Variants in ARHGAP39 observed in about 807,000 individuals in gnomAD.
ARHGAP39 encodes the protein rho GTPase-activating protein 39.
ARHGAP39 carries 44 observed loss-of-function variants against 106.9 expected under a neutral mutation model. The ratio of observed to expected loss-of-function variants is 0.41; its 90% CI spans 0.32 to 0.53. The LOEUF is 0.53. Ranked by LOEUF, ARHGAP39 falls within the 20% of genes least tolerant of loss-of-function variation. The pLI is 0.21. For synonymous variants in ARHGAP39, 768 were observed against 693.2 expected, an observed-to-expected ratio of 1.11 and a Z score of -1.69; for missense variants, 1,496 against 1,577.3, an observed-to-expected ratio of 0.95 and a Z score of 0.87.
At chr8:144,621,322 C>T (rs1430272685) in intron 1 of ARHGAP39, among the ~76,000 whole-genome samples, 3 of 152,270 alleles carry the variant, frequency 2.0e-5, no homozygotes, top group African/African-American at 4.8e-5. Context: ...AAGTTTTCCA[C>T]GGCCCCCAGG....
At chr8:144,665,393 T>C in intron 1 of ARHGAP39, among the ~76,000 whole-genome samples, 1 of 152,192 alleles carries the variant, frequency 6.6e-6, no homozygotes, top group East Asian at 1.9e-4. Context: ...CAGCACAAAT[T>C]TGCATAAGTA....
intron 2 of ARHGAP39, among the ~76,000 whole-genome samples, chr8:144,605,193 C>T (rs1258343870): frequency 6.6e-6 from 1 of 152,154 alleles, no homozygotes; most frequent in Non-Finnish European, 1.5e-5. Context: ...CCTAGGAGTT[C>T]AAGGCTGCAG....
intron 2 of ARHGAP39, among the ~76,000 whole-genome samples, chr8:144,581,964 G>A (rs1461591514): frequency 1.3e-5 from 2 of 151,824 alleles, no homozygotes; most frequent in Non-Finnish European, 2.9e-5. Flanking sequence ...GCCAGGAGGC[G>A]TTCCCATGGA....
At chr8:144,619,742 CTG>C (rs1264538562) in intron 1 of ARHGAP39, among the ~76,000 whole-genome samples, 5 of 148,410 alleles carry the variant, frequency 3.4e-5, no homozygotes, top group African/African-American at 1.3e-4. Flanking sequence ...GCGTGTGAGC[CTG>C]TGTGTACCTC....
chr8:144,614,794 C>T (rs1820592043), intron 1 of ARHGAP39, among the ~76,000 whole-genome samples: 1 of 152,230 alleles, frequency 6.6e-6, no homozygotes, highest in Non-Finnish European at 1.5e-5. Flanking sequence ...CTACCACATG[C>T]CCTGTGAGTT....
chr8:144,538,729 TCTGA>T (rs1300188625), intron 6 of ARHGAP39, among the ~76,000 whole-genome samples: 1 of 151,986 alleles, frequency 6.6e-6, no homozygotes, highest in Non-Finnish European at 1.5e-5. Context: ...CACCACCACA[TCTGA>T]CTAATTTTTG....
At chr8:144,600,759 A>G (rs1819862735) in intron 2 of ARHGAP39, among the ~76,000 whole-genome samples, 1 of 144,754 alleles carries the variant, frequency 6.9e-6, no homozygotes, top group Non-Finnish European at 1.5e-5. Flanking sequence ...GCACTTGTGT[A>G]CCTACCTGCG....
At chr8:144,638,470 G>A (rs189822948) in intron 1 of ARHGAP39, among the ~76,000 whole-genome samples, 1 of 152,140 alleles carries the variant, frequency 6.6e-6, no homozygotes, top group East Asian at 1.9e-4. Flanking sequence ...TCCCCTTCTG[G>A]GGCTGAAATC....
intron 1 of ARHGAP39, among the ~76,000 whole-genome samples, chr8:144,653,841 C>T (rs1361342105): frequency 6.6e-6 from 1 of 152,168 alleles, no homozygotes; most frequent in Non-Finnish European, 1.5e-5. Context: ...TGGACTTGTC[C>T]TCCTGTTGGA....
intron 1 of ARHGAP39, among the ~76,000 whole-genome samples, chr8:144,635,574 G>A (rs1821152775): frequency 6.6e-6 from 1 of 152,174 alleles, no homozygotes; most frequent in African/African-American, 2.4e-5. Context: ...GAGGGGGTGT[G>A]GGAACCCCGA....
chr8:144,612,956 C>T (rs1409867238), intron 1 of ARHGAP39, among the ~76,000 whole-genome samples: 1 of 152,394 alleles, frequency 6.6e-6, no homozygotes. Context: ...CTCTTTTCCT[C>T]TTTTCTGCCT....
chr8:144,621,101 G>A (rs1027529251), intron 1 of ARHGAP39, among the ~76,000 whole-genome samples: 2 of 152,268 alleles, frequency 1.3e-5, no homozygotes, highest in Non-Finnish European at 2.9e-5. Context: ...TCACAGGGTG[G>A]CCCAAGCCCC....
At chr8:144,631,337 C>T (rs914205839) in intron 1 of ARHGAP39, among the ~76,000 whole-genome samples, 1 of 152,220 alleles carries the variant, frequency 6.6e-6, no homozygotes, top group African/African-American at 2.4e-5. Flanking sequence ...TCTTGCCTGT[C>T]CTTCTGCCCT....
chr8:144,606,737 C>G (rs1820306697), intron 1 of ARHGAP39, among the ~76,000 whole-genome samples: 1 of 151,866 alleles, frequency 6.6e-6, no homozygotes, highest in Non-Finnish European at 1.5e-5. Context: ...GTTCAAGGGT[C>G]AAGTGTGAAA....
At chr8:144,605,877 A>G in intron 1 of ARHGAP39, 182 bp from the exon 2 acceptor site, 1 of 519,964 alleles carries the variant, frequency 1.9e-6, no homozygotes, top group Non-Finnish European at 3.5e-6. Context: ...CCTGCGTTGC[A>G]GCGAAGCCTG....
rs756008248 is a variant in ARHGAP39 at position 144,545,771 on chromosome 8, G to A, written c.1999C>T (p.Arg667Trp). The A allele has an allele frequency of 2.0e-5, 32 of 1,596,654 alleles. 1 individual carries two copies. The highest frequency in any genetic ancestry group is 5.6e-5 in the South Asian group (5 of 89,730). The change falls in exon 6 of 12, where the codon CGG (arginine) becomes TGG (tryptophan). Residue 667 changes from arginine (R) to tryptophan (W), a missense_variant. This residue lies in a region of ARHGAP39 where 905 missense variants were observed against 816.4 expected (regional missense o/e 1.11). Transcript: ENST00000377307. ...CTGGGAACGCCGCTGCGGCTCTGCCGGCTGCTCTCGAACTGGGCACAGGCA... is the reference window on the plus strand; with the variant it reads ...CTGGGAACGCCGCTGCGGCTCTGCCAGCTGCTCTCGAACTGGGCACAGGCA... Reference protein sequence around the residue: ...LAACAQFESSRQSRSGVPSSS... With the variant: ...LAACAQFESSWQSRSGVPSSS...
intron 3 of ARHGAP39, among the ~76,000 whole-genome samples, chr8:144,558,005 G>A (rs888629429): frequency 1.3e-5 from 2 of 152,238 alleles, no homozygotes; most frequent in Non-Finnish European, 2.9e-5. Flanking sequence ...GCAGTGCGGA[G>A]AGACCTCACT....
chr8:144,583,462 C>T (rs1032572911), intron 2 of ARHGAP39, among the ~76,000 whole-genome samples: 5 of 152,136 alleles, frequency 3.3e-5, no homozygotes, highest in East Asian at 1.9e-4. Flanking sequence ...ACGGCCCGGG[C>T]GGGACTGGGT....
intron 2 of ARHGAP39, among the ~76,000 whole-genome samples, chr8:144,603,322 T>C (rs1028901769): frequency 1.4e-4 from 21 of 152,018 alleles, no homozygotes; most frequent in Non-Finnish European, 2.9e-4. Context: ...CGTGTGCATG[T>C]ACCTGCATGT....
Sources: allele counts gnomAD v4.1 joint callset (sites outside exome capture counted in the v4.1 genomes callset), GRCh38; gene constraint gnomAD v4.1.1; regional missense constraint gnomAD v4.1.1; transcripts MANE v1.5; gene names NCBI Gene and HGNC (gene_info 2026-07-23, HGNC 2026-07-21).